Variants in SHANK2 observed in about 807,000 individuals in gnomAD.
The protein encoded by SHANK2 is SH3 and multiple ankyrin repeat domains protein 2.
In SHANK2, 43 loss-of-function variants were observed where a neutral mutation model predicts 133.7. That is an observed-to-expected ratio of 0.32 (90% CI 0.25 to 0.41). SHANK2 has a LOEUF of 0.41. Ranked by LOEUF, SHANK2 falls within the 10% of genes least tolerant of loss-of-function variation. The pLI is 1.00. For missense variants in SHANK2, 1,994 were observed against 2,235.8 expected (o/e 0.89, Z 2.18); for synonymous variants, 1,017 against 952.8 (o/e 1.07, Z -1.24).
At chr11:70,877,607 T>C (rs1949590018) in intron 11 of SHANK2, among the ~76,000 whole-genome samples, 1 of 152,150 alleles carries the variant, frequency 6.6e-6, no homozygotes, top group African/African-American at 2.4e-5. Flanking sequence ...CCCAGGACTC[T>C]ACCAAGGGCC....
intron 17 of SHANK2, among the ~76,000 whole-genome samples, chr11:70,531,821 A>T (rs1554973289): frequency 6.6e-6 from 1 of 151,946 alleles, no homozygotes; most frequent in African/African-American, 2.4e-5. Context: ...CACTGATGAG[A>T]CGGGGTCCTT....
At chr11:71,084,526 A>G (rs1419842579) in intron 8 of SHANK2, among the ~76,000 whole-genome samples, 1 of 152,236 alleles carries the variant, frequency 6.6e-6, no homozygotes, top group East Asian at 1.9e-4. Context: ...ATGAACGCCC[A>G]GAACCCTGGG....
intron 10 of SHANK2, among the ~76,000 whole-genome samples, chr11:70,938,442 C>A (rs186932447): frequency 1.0e-3 from 152 of 152,354 alleles, no homozygotes; most frequent in African/African-American, 3.4e-3. Flanking sequence ...AACTTACATG[C>A]AGCTCTACTC....
intron 1 of SHANK2, among the ~76,000 whole-genome samples, chr11:71,225,402 C>A (rs1954622862): frequency 6.6e-6 from 1 of 152,186 alleles, no homozygotes; most frequent in South Asian, 2.1e-4. Context: ...CAGGCAGTAA[C>A]AAATCCTCCT....
intron 8 of SHANK2, among the ~76,000 whole-genome samples, chr11:71,082,036 T>G (rs1323340246): frequency 6.6e-6 from 1 of 152,182 alleles, no homozygotes; most frequent in Non-Finnish European, 1.5e-5. Flanking sequence ...GCCAAGCACA[T>G]GCCAGCACAA....
intron 17 of SHANK2, among the ~76,000 whole-genome samples, chr11:70,598,997 A>C (rs962722969): frequency 2.6e-5 from 4 of 151,750 alleles, no homozygotes; most frequent in African/African-American, 9.7e-5. Context: ...ATCAAGAACA[A>C]AGCAGGTATT....
intron 1 of SHANK2, among the ~76,000 whole-genome samples, chr11:71,231,166 T>C (rs1954734933): frequency 1.3e-5 from 2 of 152,156 alleles, no homozygotes; most frequent in Non-Finnish European, 1.5e-5. Flanking sequence ...AAACCACATA[T>C]TTAACAAATA....
At chr11:71,132,092 G>A (rs1168368840) in intron 3 of SHANK2, among the ~76,000 whole-genome samples, 2 of 152,222 alleles carry the variant, frequency 1.3e-5, no homozygotes, top group African/African-American at 4.8e-5. Context: ...CACAGAGGCA[G>A]GTGAGGCTGC....
intron 14 of SHANK2, among the ~76,000 whole-genome samples, chr11:70,730,826 CTTTT>C (rs34081906): frequency 4.3e-4 from 55 of 127,392 alleles, no homozygotes; most frequent in Middle Eastern, 4.4e-3. Context: ...TTTTTTATTT[CTTTT>C]TTTTTTTTTT....
intron 3 of SHANK2, among the ~76,000 whole-genome samples, chr11:71,145,785 G>A (rs2135398880): frequency 7.9e-6 from 1 of 125,808 alleles, no homozygotes; most frequent in South Asian, 3.0e-4. Flanking sequence ...CCCCATCGTG[G>A]CTGGGGCCGG....
intron 11 of SHANK2, among the ~76,000 whole-genome samples, chr11:70,861,336 A>G (rs1555067743): frequency 6.6e-6 from 1 of 152,208 alleles, no homozygotes; most frequent in South Asian, 2.1e-4. Flanking sequence ...ACTATAAAAC[A>G]AGGTCTGTAA....
chr11:70,797,832 TACACACACAC>T (rs368707688), intron 14 of SHANK2, among the ~76,000 whole-genome samples: 9 of 142,036 alleles, frequency 6.3e-5, no homozygotes, highest in Non-Finnish European at 1.2e-4. Flanking sequence ...TCCACTCTCA[TACACACACAC>T]ACACACACAC....
Position 70,830,438 on chromosome 11 carries a change from T to C in SHANK2, c.1175-9756A>G, listed in dbSNP as rs1948709658. Among the ~76,000 whole-genome samples the C allele has an allele frequency of 6.6e-6, 1 of 152,142 alleles. No individual in the cohort carries two copies. The highest frequency in any genetic ancestry group is 1.5e-5 in the Non-Finnish European group (1 of 68,028). ...CCCAGGTAGATGGTTCGCATTCTCC[T>C]GCCATCTGCACACAGGCCCGGCCCT... On this transcript the variant is annotated intron_variant, in intron 11 of 25. Transcript: ENST00000601538. This position sits in a 1 kb window ranked among gnomAD's most constrained non-coding sequence, Gnocchi z 4.4.
At chr11:71,241,293 G>T (rs782218740) in intron 1 of SHANK2, among the ~76,000 whole-genome samples, 1 of 152,198 alleles carries the variant, frequency 6.6e-6, no homozygotes, top group Non-Finnish European at 1.5e-5. Context: ...TCCATAGAAT[G>T]TATAAACTGA....
chr11:71,078,787 C>A (rs1951253917), intron 8 of SHANK2, among the ~76,000 whole-genome samples: 1 of 152,238 alleles, frequency 6.6e-6, no homozygotes, highest in Admixed American at 6.5e-5. Context: ...GAACCTGCCC[C>A]ATAATTTGCA....
chr11:70,597,171 A>G (rs1452289237), intron 17 of SHANK2, among the ~76,000 whole-genome samples: 3 of 152,096 alleles, frequency 2.0e-5, no homozygotes, highest in African/African-American at 7.2e-5. Context: ...AAGGTCACTG[A>G]GCCCATGATT....
intron 10 of SHANK2, among the ~76,000 whole-genome samples, chr11:70,899,780 C>G (rs896103665): frequency 6.6e-6 from 1 of 152,176 alleles, no homozygotes; most frequent in Non-Finnish European, 1.5e-5. Flanking sequence ...CCCACAGGCC[C>G]AGGCATCTCT....
At chr11:70,683,220 C>T (rs1555018753) in intron 15 of SHANK2, among the ~76,000 whole-genome samples, 2 of 152,072 alleles carry the variant, frequency 1.3e-5, no homozygotes, top group African/African-American at 2.4e-5. Context: ...TCAAGCAATC[C>T]TCCCACCTTG....
chr11:71,210,250 A>ATATATATATT lies in SHANK2; in HGVS notation c.-13+14446_-13+14447insAATATATATA, dbSNP rs1353494730. The stretch of plus-strand genomic sequence containing the variant: ...TATATATATATATATATATATATAT[A>ATATATATATT]TATTTATTTATTTTTTGAAACAGAG... On this transcript the variant is annotated intron_variant, in intron 2 of 25. Coordinates refer to ENST00000601538, the MANE Select transcript of SHANK2 (RefSeq NM_012309.5). 1.2e-3 allele frequency among the ~76,000 whole-genome samples: 101 copies of ATATATATATT among 85,352 alleles called. 1 individual carries two copies. Among genetic ancestry groups the ATATATATATT allele is most frequent in the African/African-American group, 1.7e-3 (26 of 15,240 alleles). The allele number at this position is 85,352 out of a possible 152,430, so 56.0% of individuals were successfully genotyped here.
Sources: gnomAD v4.1 joint callset for allele counts (sites outside exome capture counted in the v4.1 genomes callset) on GRCh38, gnomAD v4.1.1 for gene constraint, Gnocchi (gnomAD v3.1) non-coding constraint, MANE v1.5 for transcripts, NCBI Gene and HGNC (gene_info 2026-07-23, HGNC 2026-07-21) for gene names.